The following KIAA1549 variants were observed in gnomAD, a reference collection of about 807,000 sequenced individuals.
KIAA1549 encodes UPF0606 protein KIAA1549.
KIAA1549 carries 70 observed loss-of-function variants against 156.4 expected under a neutral mutation model. The ratio of observed to expected loss-of-function variants is 0.45; its 90% confidence interval spans 0.37 to 0.55. The LOEUF is 0.55. Ranked by LOEUF, KIAA1549 falls within the 20% of genes least tolerant of loss-of-function variation. The pLI is 0.00. For missense variants in KIAA1549, 2,428 were observed against 2,540.9 expected (o/e 0.96, Z 0.96); for synonymous variants, 1,103 against 1,066.4 (o/e 1.03, Z -0.67).
chr7:138,907,641 C>T (rs1255596510), intron 5 of KIAA1549, among the ~76,000 whole-genome samples: 3 of 152,160 alleles, frequency 2.0e-5, no homozygotes, highest in Non-Finnish European at 4.4e-5. Context: ...CAAGGCTGTG[C>T]CAAAGAGCTG....
At chr7:138,861,104 T>G (rs1268172496) in intron 16 of KIAA1549, 35 bp downstream of exon 16, 1 of 1,605,522 alleles carries the variant, frequency 6.2e-7, no homozygotes. Context: ...TTCAACATCT[T>G]GCCCATCAGA....
At chr7:138,978,652 G>A (rs1440238114) in intron 1 of KIAA1549, among the ~76,000 whole-genome samples, 1 of 152,200 alleles carries the variant, frequency 6.6e-6, no homozygotes, top group African/African-American at 2.4e-5. Flanking sequence ...ATAGCTTTCA[G>A]ACAGCCACGG....
At chr7:138,935,033 A>G (rs1411959486) in intron 1 of KIAA1549, among the ~76,000 whole-genome samples, 2 of 152,220 alleles carry the variant, frequency 1.3e-5, no homozygotes, top group Non-Finnish European at 2.9e-5. Context: ...CCCCGGAGAA[A>G]TCCCTCGTAA....
intron 1 of KIAA1549, among the ~76,000 whole-genome samples, chr7:138,920,954 G>A (rs1271136506): frequency 6.6e-6 from 1 of 152,176 alleles, no homozygotes; most frequent in East Asian, 1.9e-4. Context: ...CTAAGTGACT[G>A]GATGGCCTGC....
At position 138,871,903 on chromosome 7, in the gene KIAA1549, T is replaced by C. The variant is rs527609570; in HGVS notation, c.4346-541A>G. ...CACTTCTGACTTTTCAGTTCTGATGTGGAAAGAAAACGAAGTTGAAGACAC... is the reference window on the plus strand; with the variant it reads ...CACTTCTGACTTTTCAGTTCTGATGCGGAAAGAAAACGAAGTTGAAGACAC... On this transcript the variant is annotated intron_variant, in intron 12 of 19. Coordinates refer to ENST00000422774, the MANE Select transcript of KIAA1549 (RefSeq NM_001164665.2). 1.3e-4 allele frequency among the ~76,000 whole-genome samples: 20 copies of C among 152,338 alleles called. No individual in the cohort carries two copies. The South Asian group carries it at 4.1e-3, about 32-fold the overall frequency.
In KIAA1549 at chr7:138,946,061, C is replaced by T. The variant is rs1813326266; in HGVS notation, c.188-26623G>A. The stretch of plus-strand genomic sequence containing the variant: ...CTCCCTCTTTCCCCACCCCTAAGCT[C>T]TCTCCACCCTTTGCCTGCCTCTCCC... On this transcript the variant is annotated intron_variant, in intron 1 of 19. Transcript: ENST00000422774. 3.3e-5 allele frequency among the ~76,000 whole-genome samples: 5 copies of T among 152,050 alleles called. No homozygotes were observed. In the South Asian group the frequency reaches 1.0e-3, roughly 32 times the overall value.
At chr7:138,895,067 A>G (rs1393464438) in intron 9 of KIAA1549, among the ~76,000 whole-genome samples, 2 of 152,224 alleles carry the variant, frequency 1.3e-5, no homozygotes, top group Non-Finnish European at 2.9e-5. Context: ...TCACTACTCC[A>G]AGTTTCTCAT....
intron 15 of KIAA1549, among the ~76,000 whole-genome samples, chr7:138,862,894 C>T (rs985840047): frequency 1.3e-5 from 2 of 152,122 alleles, no homozygotes; most frequent in African/African-American, 4.8e-5. Context: ...TGCACTCTTG[C>T]ACTCCAGCCT....
At chr7:138,959,337 A>T (rs1813768050) in intron 1 of KIAA1549, among the ~76,000 whole-genome samples, 1 of 152,184 alleles carries the variant, frequency 6.6e-6, no homozygotes. Flanking sequence ...TTATCTACAT[A>T]TTCATGCATC....
chr7:138,838,530 T>G (rs1159835449), intron 19 of KIAA1549, among the ~76,000 whole-genome samples: 1 of 152,186 alleles, frequency 6.6e-6, no homozygotes, highest in African/African-American at 2.4e-5. Flanking sequence ...CGTGAGTGTG[T>G]GTCTACTGAG....
chr7:138,846,116 C>T (rs999506709), intron 17 of KIAA1549, among the ~76,000 whole-genome samples: 4 of 152,128 alleles, frequency 2.6e-5, no homozygotes, highest in African/African-American at 7.2e-5. Context: ...GACTGCCTCA[C>T]CAAGGACATG....
intron 8 of KIAA1549, among the ~76,000 whole-genome samples, chr7:138,899,967 C>T (rs1478152616): frequency 6.6e-6 from 1 of 152,196 alleles, no homozygotes; most frequent in Non-Finnish European, 1.5e-5. Context: ...AATGTGATTA[C>T]CCCTTTAGAC....
At chr7:138,942,891 A>G (rs921226346) in intron 1 of KIAA1549, among the ~76,000 whole-genome samples, 1 of 148,372 alleles carries the variant, frequency 6.7e-6, no homozygotes, top group Non-Finnish European at 1.5e-5. Flanking sequence ...GCCTGGCGAC[A>G]GAGCAAGACT....
At chr7:138,852,111 A>G in intron 17 of KIAA1549, 112 bp downstream of exon 17, 1 of 659,306 alleles carries the variant, frequency 1.5e-6, no homozygotes. Context: ...AAGAGAATAT[A>G]CAACGCAGAG....
At chr7:138,848,514 T>A (rs1810141796) in intron 17 of KIAA1549, among the ~76,000 whole-genome samples, 1 of 152,202 alleles carries the variant, frequency 6.6e-6, no homozygotes, top group Non-Finnish European at 1.5e-5. Flanking sequence ...TGGAAAGAAA[T>A]CCAATGTGGT....
intron 12 of KIAA1549, among the ~76,000 whole-genome samples, chr7:138,872,860 T>C (rs1472682067): frequency 6.6e-6 from 1 of 152,164 alleles, no homozygotes; most frequent in Non-Finnish European, 1.5e-5. Context: ...GCCGAGATCA[T>C]GTCTCTACAT....
intron 1 of KIAA1549, among the ~76,000 whole-genome samples, chr7:138,919,682 G>T (rs916497941): frequency 2.6e-5 from 4 of 152,096 alleles, no homozygotes; most frequent in African/African-American, 9.7e-5. Context: ...ATGTGTGGGG[G>T]TGGGGAGGGC....
At chr7:138,923,395 G>A (rs1703210773) in intron 1 of KIAA1549, among the ~76,000 whole-genome samples, 1 of 152,210 alleles carries the variant, frequency 6.6e-6, no homozygotes, top group Non-Finnish European at 1.5e-5. Flanking sequence ...GAGGTCAGGA[G>A]TTCGAGACCA....
chr7:138,954,096 AC>A (rs1813585003), intron 1 of KIAA1549, among the ~76,000 whole-genome samples: 1 of 152,238 alleles, frequency 6.6e-6, no homozygotes, highest in Non-Finnish European at 1.5e-5. Flanking sequence ...GGATATACGC[AC>A]AAGAAGTTAG....
Sources: gnomAD v4.1 joint callset for allele counts (sites outside exome capture counted in the v4.1 genomes callset) on GRCh38, gnomAD v4.1.1 for gene constraint, MANE v1.5 for transcripts, NCBI Gene and HGNC (gene_info 2026-07-23, HGNC 2026-07-21) for gene names.